SLC25A48: variants seen among roughly 807,000 people sequenced by gnomAD.
The protein encoded by SLC25A48 is CTC-321K16.1.
In SLC25A48, 29 loss-of-function variants were observed where a neutral mutation model predicts 32.2. The ratio of observed to expected loss-of-function variants is 0.90; its 90% CI spans 0.67 to 1.23. The LOEUF is 1.23. Among genes scored for constraint, SLC25A48 ranks in the 50% most tolerant of loss-of-function variants. The pLI, the probability that SLC25A48 is intolerant of heterozygous loss-of-function variation, is 0.00. For synonymous variants in SLC25A48, 164 were observed against 172.3 expected, an observed-to-expected ratio of 0.95 and a Z score of 0.38; for missense variants, 399 against 422.7, an observed-to-expected ratio of 0.94 and a Z score of 0.49.
chr5:135,711,096 A>G (rs1033357273), intron 3 of SLC25A48, among the ~76,000 whole-genome samples: 3 of 152,228 alleles, frequency 2.0e-5, no homozygotes, highest in Admixed American at 6.5e-5. Context: ...GAAATGCCCA[A>G]GTTCCCATTT....
At chr5:135,719,671 A>T (rs990943751) in intron 3 of SLC25A48, among the ~76,000 whole-genome samples, 1 of 152,136 alleles carries the variant, frequency 6.6e-6, no homozygotes, top group Non-Finnish European at 1.5e-5. Context: ...GGGAGTAAGG[A>T]GGAGAGTGCA....
At chr5:135,707,562 C>T (rs1754547202) in intron 3 of SLC25A48, among the ~76,000 whole-genome samples, 1 of 152,148 alleles carries the variant, frequency 6.6e-6, no homozygotes, top group Non-Finnish European at 1.5e-5. Context: ...ACACTGCTGC[C>T]CTGGAGCCTT....
chr5:135,860,727 T>C (rs1760707407), intron 4 of SLC25A48, among the ~76,000 whole-genome samples: 1 of 152,184 alleles, frequency 6.6e-6, no homozygotes, highest in Admixed American at 6.5e-5. Context: ...TTGACTGTGC[T>C]CATGTGGGCA....
At position 135,721,843 on chromosome 5, in the gene SLC25A48, T is replaced by G. The variant is rs78230805; in HGVS notation, c.-521+86887T>G. On this transcript the variant is annotated intron_variant, in intron 3 of 10. Coordinates refer to the SLC25A48 transcript ENST00000646290. Reference sequence around the variant, plus strand: ...GCCAGAGCTCTGGGAAGGTGAACCCTGGCCACAGCCCAAGAAGGATGGGGT... The same window carrying G: ...GCCAGAGCTCTGGGAAGGTGAACCCGGGCCACAGCCCAAGAAGGATGGGGT... Among the ~76,000 whole-genome samples, 164 of 152,350 alleles carry G rather than the reference T, an allele frequency of 1.1e-3. 5 individuals are homozygous for G. In the East Asian group the frequency reaches 0.03, roughly 28 times the overall value.
intron 3 of SLC25A48, among the ~76,000 whole-genome samples, chr5:135,811,847 T>C (rs12654063): frequency 0.36 from 54,042 of 152,100 alleles, 9,765 homozygotes; most frequent in Middle Eastern, 0.44. Context: ...TTTGGGAGGC[T>C]GAGGTGGGCA....
chr5:135,767,416 G>A (rs1041725078), intron 3 of SLC25A48, among the ~76,000 whole-genome samples: 1 of 151,586 alleles, frequency 6.6e-6, no homozygotes, highest in African/African-American at 2.4e-5. Flanking sequence ...CCTGTGATAT[G>A]GTTCATAATA....
chr5:135,879,583 GGAGAGAGA>G (rs371969525), intron 6 of SLC25A48, among the ~76,000 whole-genome samples: 41 of 143,424 alleles, frequency 2.9e-4, no homozygotes, highest in African/African-American at 6.5e-4. Context: ...AGATTCCCGA[GGAGAGAGA>G]GAGAGAGAGA....
chr5:135,582,834 C>A (rs1254242771), intron 1 of SLC25A48, among the ~76,000 whole-genome samples: 1 of 152,226 alleles, frequency 6.6e-6, no homozygotes, highest in Non-Finnish European at 1.5e-5. Context: ...CCTCAGTGAG[C>A]CTGGGCTCCA....
rs1476243584 is a variant in SLC25A48 at position 135,834,681 on chromosome 5, G to C, written c.-167G>C. 1.8e-5 allele frequency: 13 copies of C among 712,678 alleles called. No homozygotes were observed. The highest frequency in any genetic ancestry group is 6.2e-5 in the South Asian group (3 of 48,214). The allele number at this position is 712,678 out of a possible 1,614,324, so 44.1% of individuals were successfully genotyped here. A position where few individuals can be genotyped will look rare whatever the true frequency, so the allele number is the denominator to read the frequency against. On this transcript the variant is annotated 5_prime_UTR_variant, in exon 1 of 8. Transcript: ENST00000681962. ...CTCCGGCACTTGGAGAGGTGAGCGC[G>C]GCAGCCCGCGCAGCCGGTGACTGGG...
chr5:135,635,865 C>G (rs1752690461), intron 3 of SLC25A48, among the ~76,000 whole-genome samples: 2 of 152,182 alleles, frequency 1.3e-5, no homozygotes, highest in Admixed American at 1.3e-4. Context: ...CCATTCCAGT[C>G]ATCGTTCCTT....
At chr5:135,806,354 CATG>C (rs1219015304) in intron 3 of SLC25A48, among the ~76,000 whole-genome samples, 1 of 151,300 alleles carries the variant, frequency 6.6e-6, no homozygotes, top group Non-Finnish European at 1.5e-5. Flanking sequence ...TTATAAATAT[CATG>C]GATATTTCAT....
rs6862264 is a variant in SLC25A48 at position 135,881,441 on chromosome 5, T to G, written c.*7+1344T>G. On this transcript the variant is annotated intron_variant, in intron 7 of 7. Transcript: ENST00000681962. ...TCAGCCCAGGACAAGCCCCAGAAGC[T>G]GGCTTCAAATAAAATGCTCTCCACT... is the stretch of plus-strand genomic sequence containing the variant. 8.4e-3 allele frequency among the ~76,000 whole-genome samples: 1,273 copies of G among 152,348 alleles called. 15 individuals carry two copies. Among genetic ancestry groups the G allele is most frequent in the African/African-American group, 0.029 (1,214 of 41,578 alleles).
chr5:135,874,394 C>T (rs538822530), intron 6 of SLC25A48, among the ~76,000 whole-genome samples: 20 of 152,314 alleles, frequency 1.3e-4, no homozygotes, highest in African/African-American at 4.6e-4. Flanking sequence ...GGTAACCTGC[C>T]GCAGCCACAC....
intron 7 of SLC25A48, 49 bp from the exon 8 acceptor site, chr5:135,887,983 G>A (rs1762795048): frequency 6.5e-7 from 1 of 1,536,896 alleles, no homozygotes; most frequent in East Asian, 2.5e-5. Context: ...TCTGGTTTCT[G>A]TTCTTTGCCT....
chr5:135,587,848 G>A (rs1313545525), intron 1 of SLC25A48, among the ~76,000 whole-genome samples: 1 of 152,208 alleles, frequency 6.6e-6, no homozygotes, highest in African/African-American at 2.4e-5. Flanking sequence ...CATATCAAAA[G>A]CAAGGAGGGG....
chr5:135,597,578 C>A (rs980744584), intron 1 of SLC25A48, among the ~76,000 whole-genome samples: 9 of 152,176 alleles, frequency 5.9e-5, no homozygotes, highest in African/African-American at 2.2e-4. Context: ...AAAGGAGATG[C>A]GAGAATGGCC....
intron 3 of SLC25A48, among the ~76,000 whole-genome samples, chr5:135,646,259 G>A (rs987785715): frequency 3.5e-5 from 4 of 113,250 alleles, no homozygotes; most frequent in Admixed American, 8.9e-5. Flanking sequence ...AGCCCTCTCC[G>A]GCCGGCTTGG....
intron 7 of SLC25A48, among the ~76,000 whole-genome samples, chr5:135,885,279 T>C (rs1762674647): frequency 6.6e-6 from 1 of 152,094 alleles, no homozygotes; most frequent in Non-Finnish European, 1.5e-5. Context: ...GTGCCAGGCA[T>C]ACAATGGGCA....
intron 4 of SLC25A48, among the ~76,000 whole-genome samples, chr5:135,869,251 G>A (rs1761456742): frequency 6.6e-6 from 1 of 152,144 alleles, no homozygotes; most frequent in Admixed American, 6.5e-5. Flanking sequence ...ATAAACTTGG[G>A]TCAGTTTGGA....
Sources: allele counts gnomAD v4.1 joint callset (sites outside exome capture counted in the v4.1 genomes callset), GRCh38; gene constraint gnomAD v4.1.1; transcripts MANE v1.5; gene names NCBI Gene and HGNC (gene_info 2026-07-23, HGNC 2026-07-21).